STAU2: variants seen among roughly 807,000 people sequenced by gnomAD.
STAU2 encodes the protein staufen double-stranded RNA binding protein 2, also known as double-stranded RNA-binding protein Staufen homolog 2.
STAU2 carries 20 observed loss-of-function variants against 65.9 expected under a neutral mutation model. That is an observed-to-expected ratio of 0.30 (90% confidence interval 0.21 to 0.44). The LOEUF (loss-of-function observed/expected upper bound fraction) is 0.44, where lower values mean the gene tolerates loss of function less well. Ranked by LOEUF, STAU2 falls within the 20% of genes least tolerant of loss-of-function variation. The pLI is 1.00. For missense variants in STAU2, 558 were observed against 683.9 expected, an observed-to-expected ratio of 0.82 and a Z score of 2.05; for synonymous variants, 232 against 233.9, an observed-to-expected ratio of 0.99 and a Z score of 0.07.
chr8:73,570,309 A>G (rs190050897), intron 12 of STAU2, among the ~76,000 whole-genome samples: 65 of 152,354 alleles, frequency 4.3e-4, no homozygotes, highest in African/African-American at 1.6e-3. Context: ...ATATGGGACT[A>G]TGTGAAAAGA....
At chr8:73,664,275 C>T (rs1817068190) in intron 6 of STAU2, among the ~76,000 whole-genome samples, 1 of 152,128 alleles carries the variant, frequency 6.6e-6, no homozygotes, top group Admixed American at 6.5e-5. Context: ...CTGCCCACCT[C>T]GACCTCCCAA....
chr8:73,607,208 T>C lies in STAU2; in HGVS notation c.892-3345A>G, dbSNP rs535785567. 2.0e-5 allele frequency among the ~76,000 whole-genome samples: 3 copies of C among 152,210 alleles called. 1 individual carries two copies. Among genetic ancestry groups the C allele is most frequent in the Middle Eastern group, 6.8e-3 (2 of 294 alleles). On this transcript the variant is annotated intron_variant, in intron 9 of 14. Coordinates refer to ENST00000524300, the MANE Select transcript of STAU2 (RefSeq NM_001164380.2). ...ACAAATAACTTTAGAAAAACAAACA[T>C]AGTAAAACTATAAGGTAGGAAATGG...
At chr8:73,696,426 T>C (rs1049632191) in intron 4 of STAU2, among the ~76,000 whole-genome samples, 3 of 152,176 alleles carry the variant, frequency 2.0e-5, no homozygotes, top group Admixed American at 1.3e-4. Flanking sequence ...AAAACAGAGA[T>C]ACATGACCTT....
chr8:73,588,502 A>G (rs960362884), intron 11 of STAU2, among the ~76,000 whole-genome samples: 6 of 152,192 alleles, frequency 3.9e-5, no homozygotes, highest in Admixed American at 3.3e-4. Context: ...GCAGCTGGTT[A>G]ATGGCTGCAC....
chr8:73,616,927 C>A (rs1812868847), intron 7 of STAU2, among the ~76,000 whole-genome samples: 1 of 152,198 alleles, frequency 6.6e-6, no homozygotes, highest in East Asian at 1.9e-4. Context: ...GCCTCAATGT[C>A]ATTTGTAAAA....
intron 9 of STAU2, among the ~76,000 whole-genome samples, chr8:73,612,326 C>G (rs1213747583): frequency 6.6e-6 from 1 of 152,190 alleles, no homozygotes; most frequent in Admixed American, 6.5e-5. Flanking sequence ...CAATCCCATA[C>G]AGCAAGGTCA....
chr8:73,601,159 A>G lies in STAU2; in HGVS notation c.1029+2567T>C, dbSNP rs147297534. Among the ~76,000 whole-genome samples the G allele has an allele frequency of 4.4e-3, 667 of 152,366 alleles. 1 individual carries two copies. Among genetic ancestry groups the G allele is most frequent in the Non-Finnish European group, 7.8e-3 (534 of 68,032 alleles). On this transcript the variant is annotated intron_variant, in intron 10 of 14. Coordinates refer to ENST00000524300, the MANE Select transcript of STAU2 (RefSeq NM_001164380.2). The stretch of plus-strand genomic sequence containing the variant: ...CCAAATGTTTGTCTTTAAATTTAAC[A>G]GCTCATTCACATGAATCAAATCCTC...
intron 13 of STAU2, among the ~76,000 whole-genome samples, chr8:73,487,675 T>C (rs1820984199): frequency 6.6e-6 from 1 of 152,054 alleles, no homozygotes; most frequent in South Asian, 2.1e-4. Flanking sequence ...GCTTTACATA[T>C]ATCTGTACAA....
At chr8:73,684,943 T>G (rs1247889713) in intron 5 of STAU2, among the ~76,000 whole-genome samples, 1 of 152,120 alleles carries the variant, frequency 6.6e-6, no homozygotes, top group East Asian at 1.9e-4. Context: ...CCAAATCTCA[T>G]CTTGAATTGT....
chr8:73,529,396 C>T (rs935610755), intron 13 of STAU2, among the ~76,000 whole-genome samples: 1 of 152,110 alleles, frequency 6.6e-6, no homozygotes, highest in South Asian at 2.1e-4. Context: ...ATAAAACATG[C>T]TCTTTTAAAA....
At chr8:73,621,269 G>C (rs749159991) in intron 6 of STAU2, among the ~76,000 whole-genome samples, 4 of 152,060 alleles carry the variant, frequency 2.6e-5, no homozygotes, top group South Asian at 2.1e-4. Context: ...AAGATCTGAC[G>C]GTTTTATAAG....
intron 9 of STAU2, among the ~76,000 whole-genome samples, chr8:73,605,836 TACACATACAC>T (rs1811968293): frequency 1.3e-5 from 1 of 78,536 alleles, no homozygotes; most frequent in Non-Finnish European, 2.7e-5. Context: ...TATACACACA[TACACATACAC>T]ACACACACAC....
At chr8:73,710,973 T>C (rs1168487427) in intron 3 of STAU2, among the ~76,000 whole-genome samples, 1 of 151,684 alleles carries the variant, frequency 6.6e-6, no homozygotes, top group African/African-American at 2.4e-5. Flanking sequence ...ATTTGTACAA[T>C]GGCTTGATTG....
At chr8:73,702,937 T>C (rs1298191009) in intron 4 of STAU2, among the ~76,000 whole-genome samples, 1 of 152,170 alleles carries the variant, frequency 6.6e-6, no homozygotes, top group African/African-American at 2.4e-5. Context: ...CATACACCGC[T>C]GAGGGGAATG....
chr8:73,544,014 G>A (rs991601378), intron 13 of STAU2, among the ~76,000 whole-genome samples: 16 of 152,122 alleles, frequency 1.1e-4, no homozygotes, highest in African/African-American at 3.6e-4. Flanking sequence ...GTTCCTCTAA[G>A]TTTATTCATC....
chr8:73,746,976 T>A, upstream of STAU2: 1 of 641,224 alleles, frequency 1.6e-6, no homozygotes, highest in Non-Finnish European at 1.9e-6. Context: ...GCGCAGCCGC[T>A]CCCGCGCCCC....
At chr8:73,434,768 ATTAAT>A (rs138235129) in intron 13 of STAU2, among the ~76,000 whole-genome samples, 7,017 of 151,538 alleles carry the variant, frequency 0.046, 653 homozygotes, top group African/African-American at 0.16. Flanking sequence ...CTCACTCCAT[ATTAAT>A]TTAAGTTCAA....
intron 4 of STAU2, among the ~76,000 whole-genome samples, chr8:73,708,465 CTATA>C (rs1820670423): frequency 6.6e-6 from 1 of 151,816 alleles, no homozygotes; most frequent in African/African-American, 2.4e-5. Context: ...ATGTATACAG[CTATA>C]TATAAATAAA....
chr8:73,613,908 C>A lies in STAU2; in HGVS notation c.727G>T (p.Val243Leu). ...TCTGCAGAGAACTCTCCTACTGACA[C>A]TCGAGTAACAAAGCTTTTCATATGT... is the stretch of plus-strand genomic sequence containing the variant. ...PPHMKSFVTR[V>L]SVGEFSAEGE... Residue 243 changes from valine (V) to leucine (L), a missense_variant, in exon 9 of 15, where the codon GTG (valine) becomes TTG (leucine). By Grantham distance (32) the Val-to-Leu change is conservative. Transcript: ENST00000524300. 1.2e-6 allele frequency: 2 copies of A among 1,613,228 alleles called. No individual in the cohort carries two copies. Among genetic ancestry groups the A allele is most frequent in the South Asian group, 2.2e-5 (2 of 90,680 alleles).
Sources: allele counts gnomAD v4.1 joint callset (sites outside exome capture counted in the v4.1 genomes callset), GRCh38; gene constraint gnomAD v4.1.1; transcripts MANE v1.5; gene names NCBI Gene and HGNC (gene_info 2026-07-23, HGNC 2026-07-21).